Variants in AP2S1 observed in about 807,000 individuals in gnomAD.
AP2S1 encodes the protein adaptor related protein complex 2 subunit sigma 1.
AP2S1 carries 6 observed loss-of-function variants against 21.0 expected under a neutral mutation model. The ratio of observed to expected loss-of-function variants is 0.29; its 90% CI spans 0.16 to 0.56. The LOEUF is 0.56. Ranked by LOEUF, AP2S1 falls within the 20% of genes least tolerant of loss-of-function variation. The pLI, the probability that AP2S1 is intolerant of heterozygous loss-of-function variation, is 0.92. For synonymous variants in AP2S1, 63 were observed against 74.6 expected (o/e 0.84, Z 0.80); for missense variants, 60 against 186.2 (o/e 0.32, Z 3.95).
At chr19:46,850,678 G>C in intron 1 of AP2S1, 86 bp downstream of exon 1, 4 of 1,219,898 alleles carry the variant, frequency 3.3e-6, no homozygotes, top group Non-Finnish European at 4.8e-6. Context: ...CGGCAGAGAA[G>C]GGACTTGTCA....
At chr19:46,839,286 C>CAAAAAAAAAA (rs771792607) in intron 3 of AP2S1, among the ~76,000 whole-genome samples, 179 bp downstream of exon 3, 40 of 72,910 alleles carry the variant, frequency 5.5e-4, no homozygotes, top group African/African-American at 1.7e-3. Context: ...GACTCCGTCT[C>CAAAAAAAAAA]AAAAAAAAAA....
chr19:46,841,544 C>T (rs1169030318), intron 2 of AP2S1, among the ~76,000 whole-genome samples: 5 of 152,196 alleles, frequency 3.3e-5, no homozygotes, highest in Non-Finnish European at 7.3e-5. Flanking sequence ...ACGCCACTGC[C>T]CCACCCCTGC....
intron 2 of AP2S1, 28 bp from the exon 3 acceptor site, chr19:46,839,606 G>C (rs779285187): frequency 5.0e-6 from 8 of 1,614,014 alleles, no homozygotes; most frequent in Non-Finnish European, 5.9e-6. Context: ...TGTCAGCAAC[G>C]GAGATTGCCA....
At chr19:46,839,668 ATAC>A (rs761042663) in intron 2 of AP2S1, 90 bp from the exon 3 acceptor site, 54 of 1,584,028 alleles carry the variant, frequency 3.4e-5, no homozygotes, top group Non-Finnish European at 4.3e-5. Flanking sequence ...CCTTCACTCC[ATAC>A]GTGGTCCCGA....
intron 1 of AP2S1, among the ~76,000 whole-genome samples, chr19:46,848,140 G>A (rs773951679): frequency 2.0e-5 from 3 of 151,996 alleles, no homozygotes; most frequent in Non-Finnish European, 4.4e-5. Flanking sequence ...AGGCCAAGGC[G>A]GGCAGATCAC....
At chr19:46,850,206 G>C in intron 1 of AP2S1, 1 of 1,232,384 alleles carries the variant, frequency 8.1e-7, no homozygotes, top group Non-Finnish European at 1.0e-6. Context: ...GCCTCCTTTT[G>C]GTTTCCTGTG....
chr19:46,843,771 G>C (rs1364129543), intron 2 of AP2S1, among the ~76,000 whole-genome samples: 5 of 152,040 alleles, frequency 3.3e-5, no homozygotes, highest in Non-Finnish European at 5.9e-5. Context: ...GTGCATGCCT[G>C]TAGTCCCAGC....
chr19:46,840,215 T>C (rs1316426787), intron 2 of AP2S1, among the ~76,000 whole-genome samples: 1 of 151,682 alleles, frequency 6.6e-6, no homozygotes, highest in Admixed American at 6.6e-5. Context: ...TGAACAAACA[T>C]GCCAGGATCA....
At chr19:46,846,236 GA>G in intron 1 of AP2S1, 94 bp from the exon 2 acceptor site, 4 of 1,505,202 alleles carry the variant, frequency 2.7e-6, no homozygotes, top group Non-Finnish European at 3.6e-6. Flanking sequence ...CCAGAGGGGA[GA>G]TAGGGCTCAG....
At chr19:46,847,476 C>A (rs752526462) in intron 1 of AP2S1, among the ~76,000 whole-genome samples, 2 of 152,156 alleles carry the variant, frequency 1.3e-5, no homozygotes, top group South Asian at 2.1e-4. Context: ...CCTCATCCCC[C>A]CAAAGTGCTG....
chr19:46,842,002 A>G (rs2055530627), intron 2 of AP2S1, among the ~76,000 whole-genome samples: 1 of 152,114 alleles, frequency 6.6e-6, no homozygotes, highest in African/African-American at 2.4e-5. Flanking sequence ...GCAACATATC[A>G]AGACCCATCT....
intron 2 of AP2S1, among the ~76,000 whole-genome samples, chr19:46,841,648 C>T (rs1321459971): frequency 6.6e-6 from 1 of 152,234 alleles, no homozygotes. Context: ...GGAGCTGTCA[C>T]ACTGTGTCCT....
chr19:46,848,153 G>T (rs1445231231), intron 1 of AP2S1, among the ~76,000 whole-genome samples: 3 of 152,068 alleles, frequency 2.0e-5, no homozygotes, highest in Non-Finnish European at 4.4e-5. Context: ...CAGATCACTT[G>T]AGGTCAGGAG....
rs1026963308 is a variant in AP2S1 at position 46,846,264 on chromosome 19, G to C, written c.4-122C>G. The C allele has an allele frequency of 6.6e-5, 83 of 1,265,684 alleles. 1 individual carries two copies. The South Asian group carries it at 1.2e-3, about 18-fold the overall frequency. The allele number at this position is 1,265,684 out of a possible 1,614,324, so 78.4% of individuals were successfully genotyped here. On this transcript the variant is annotated intron_variant, in intron 1 of 4. Coordinates refer to ENST00000263270, the MANE Select transcript of AP2S1 (RefSeq NM_004069.6). ...AGGGCTCAGGGCCTCCCTGCTGCCT[G>C]ACTTCCAGGGGTCTCGGCTGCTCCC...
At chr19:46,848,993 G>A (rs1235935811) in intron 1 of AP2S1, among the ~76,000 whole-genome samples, 1 of 145,484 alleles carries the variant, frequency 6.9e-6, no homozygotes, top group Non-Finnish European at 1.5e-5. Flanking sequence ...TTACAGGCGC[G>A]AGTCACTGTG....
chr19:46,839,997 C>T (rs1280337050), intron 2 of AP2S1, among the ~76,000 whole-genome samples: 1 of 152,176 alleles, frequency 6.6e-6, no homozygotes, highest in East Asian at 1.9e-4. Context: ...CTTCCTGCTA[C>T]CTCTGGAGAC....
intron 2 of AP2S1, among the ~76,000 whole-genome samples, chr19:46,845,484 T>C (rs1027955222): frequency 6.6e-6 from 1 of 151,926 alleles, no homozygotes; most frequent in African/African-American, 2.4e-5. Flanking sequence ...TCTTGCTACA[T>C]TGCCCAGGCT....
chr19:46,850,361 G>A lies in AP2S1; in HGVS notation c.3+403C>T, dbSNP rs1192858282. On this transcript the variant is annotated intron_variant, in intron 1 of 4. Coordinates refer to ENST00000263270, the MANE Select transcript of AP2S1 (RefSeq NM_004069.6). ...TCCCTCCCCTTTTCCAAGGTCTCGC[G>A]TTCTCGTCCCAGCGCTCCCGCCACA... 3.2e-6 allele frequency: 4 copies of A among 1,241,624 alleles called. No individual in the cohort carries two copies. The South Asian group carries it at 1.1e-4, about 33-fold the overall frequency. 76.9% of individuals were successfully genotyped at this position (1,241,624 alleles called of 1,614,324 possible).
At chr19:46,842,952 A>G (rs919270028) in intron 2 of AP2S1, among the ~76,000 whole-genome samples, 5 of 151,890 alleles carry the variant, frequency 3.3e-5, no homozygotes, top group Admixed American at 2.6e-4. Context: ...TGCCGTTTCC[A>G]TATCCTACCC....
Sources: allele counts gnomAD v4.1 joint callset (sites outside exome capture counted in the v4.1 genomes callset), GRCh38; gene constraint gnomAD v4.1.1; transcripts MANE v1.5; gene names NCBI Gene and HGNC (gene_info 2026-07-23, HGNC 2026-07-21).